The following KIAA1614 variants were observed in gnomAD, a reference collection of about 807,000 sequenced individuals.
The protein encoded by KIAA1614 is uncharacterized protein KIAA1614.
Under a neutral mutation model 88.7 loss-of-function variants are expected in KIAA1614, and 76 were observed. That is an observed-to-expected ratio of 0.86 (90% CI 0.71 to 1.04). The LOEUF (loss-of-function observed/expected upper bound fraction) is 1.04. KIAA1614 is among the 50% of genes least tolerant of loss of function. The pLI, the probability that KIAA1614 is intolerant of heterozygous loss-of-function variation, is 0.00. For missense variants in KIAA1614, 1,553 were observed against 1,582.5 expected (o/e 0.98, Z 0.32); for synonymous variants, 714 against 675.5 (o/e 1.06, Z -0.88).
At position 180,936,052 on chromosome 1, in the gene KIAA1614, A is replaced by C. The variant is rs1170873780; in HGVS notation, c.2143A>C (p.Lys715Gln). 3 of 1,614,138 alleles carry C rather than the reference A, an allele frequency of 1.9e-6. No homozygotes were observed. Among genetic ancestry groups the C allele is most frequent in the Non-Finnish European group, 2.5e-6 (3 of 1,180,004 alleles). The change falls in exon 5 of 9, where the codon AAG (lysine) becomes CAG (glutamine). Residue 715 changes from lysine to glutamine, a missense_variant. By Grantham distance (53) the Lys-to-Gln change is moderately conservative. Transcript: ENST00000367588. Reference protein sequence around the residue: ...EDAKPPDLELKRVSLGPQWQP... With the variant: ...EDAKPPDLELQRVSLGPQWQP... ...TGCCAAGCCTCCTGACCTGGAGTTG[A>C]AGCGGGTGTCCCTGGGACCCCAGTG...
intron 2 of KIAA1614, 46 bp downstream of exon 2, chr1:180,917,146 A>C: frequency 6.6e-7 from 1 of 1,504,786 alleles, no homozygotes; most frequent in Non-Finnish European, 9.1e-7. Context: ...AGCAGGAGGG[A>C]ATCCAGAGGG....
chr1:180,945,428 G>C lies in KIAA1614; in HGVS notation c.3413G>C (p.Arg1138Pro). ...GGCACCAGCCAGCTGCAGCTGCAGC[G>C]CTCCCCAGGGGGCACTTTCGGCTTC... ...PDGTSQLQLQRSPGGTFGFCV... is the reference protein window; with the variant it reads ...PDGTSQLQLQPSPGGTFGFCV... The change falls in exon 9 of 9, where the codon CGC becomes CCC. Residue 1138 changes from arginine to proline, a missense_variant. Transcript: ENST00000367588. 6.2e-7 allele frequency: 1 copy of C among 1,608,482 alleles called. No individual in the cohort carries two copies. Among genetic ancestry groups the C allele is most frequent in the Non-Finnish European group, 8.5e-7 (1 of 1,178,380 alleles).
In KIAA1614 at chr1:180,935,817, G is replaced by A. The variant is rs1243431726; in HGVS notation, c.1908G>A (p.Ala636=). 3 of 1,613,702 alleles carry A rather than the reference G, an allele frequency of 1.9e-6. No homozygotes were observed. Among genetic ancestry groups the A allele is most frequent in the South Asian group, 1.1e-5 (1 of 91,072 alleles). The change falls in exon 5 of 9, where the codon GCG becomes GCA. Residue 636 remains alanine, a synonymous_variant. Transcript: ENST00000367588. This position sits in a 1 kb window ranked among gnomAD's most constrained non-coding sequence, Gnocchi z 6.1. ...EEAGTSQAGW[A]CGRTQGSSPR... is the part of the protein sequence containing the mutation. Reference sequence around the variant, plus strand: ...CGGGGACCTCTCAGGCTGGCTGGGCGTGTGGGCGGACCCAAGGCAGCAGCC... The same window carrying A: ...CGGGGACCTCTCAGGCTGGCTGGGCATGTGGGCGGACCCAAGGCAGCAGCC...
intron 6 of KIAA1614, among the ~76,000 whole-genome samples, chr1:180,940,277 G>C (rs1654426538): frequency 6.6e-6 from 1 of 152,220 alleles, no homozygotes; most frequent in South Asian, 2.1e-4. Context: ...GAGGCAGGTG[G>C]ATCACTTGAG....
Position 180,941,199 on chromosome 1 carries a change from C to T in KIAA1614, c.3073C>T (p.Arg1025Cys), listed in dbSNP as rs760251539. The T allele has an allele frequency of 1.1e-5, 18 of 1,613,730 alleles. No homozygotes were observed. The highest frequency in any genetic ancestry group is 3.3e-4 in the Middle Eastern group (2 of 6,074). The change falls in exon 7 of 9, where the codon CGC (arginine) becomes TGC (cysteine). Residue 1025 changes from arginine to cysteine, a missense_variant. Coordinates refer to ENST00000367588, the MANE Select transcript of KIAA1614 (RefSeq NM_020950.2). ...QSSRPKLGKSRSYSVEQLQPA... is the reference protein window; with the variant it reads ...QSSRPKLGKSCSYSVEQLQPA... Reference sequence around the variant, plus strand: ...TTCCCGGCCCAAGCTGGGCAAGTCCCGCAGCTACAGTGTGGAGCAGTTGCA... The same window carrying T: ...TTCCCGGCCCAAGCTGGGCAAGTCCTGCAGCTACAGTGTGGAGCAGTTGCA...
rs1654283484 is a variant in KIAA1614, at chr1:180,935,089, C to T, written c.1206-26C>T. The T allele has an allele frequency of 1.5e-6, 2 of 1,370,554 alleles. No individual in the cohort carries two copies. Among genetic ancestry groups the T allele is most frequent in the Non-Finnish European group, 9.5e-7 (1 of 1,057,286 alleles). The allele number at this position is 1,370,554 out of a possible 1,614,324, so 84.9% of individuals were successfully genotyped here. ...TACCTCCCCAGGTTTCTGCCCTTGA[C>T]CTCTCTCCTCCTGTCTCTTCATCAG... On this transcript the variant is annotated intron_variant, in intron 4 of 8. Transcript: ENST00000367588. The surrounding 1 kb of genome is among the most constrained non-coding windows in gnomAD (Gnocchi z 6.1).
At chr1:180,923,658 G>A (rs1346381443) in intron 3 of KIAA1614, among the ~76,000 whole-genome samples, 1 of 152,176 alleles carries the variant, frequency 6.6e-6, no homozygotes, top group Non-Finnish European at 1.5e-5. Context: ...GCCTGCAAGT[G>A]TGTGCAGGGA....
At chr1:180,931,078 C>T (rs1381268276) in intron 4 of KIAA1614, among the ~76,000 whole-genome samples, 3 of 152,202 alleles carry the variant, frequency 2.0e-5, no homozygotes, top group Non-Finnish European at 4.4e-5. Flanking sequence ...TGGGGCAAGC[C>T]TGAACAGACA....
chr1:180,945,150 G>C, intron 8 of KIAA1614, 153 bp from the exon 9 acceptor site: 1 of 915,834 alleles, frequency 1.1e-6, no homozygotes, highest in South Asian at 2.1e-5. Context: ...TTTGGCCCTA[G>C]CAGGCTCTTT....
At position 180,944,469 on chromosome 1, in the gene KIAA1614, C is replaced by T; in HGVS notation, c.3240C>T (p.Ser1080=). ...HSLLSSKGNR[S]SLYLVAGPGD... ...TGCTGAGCAGCAAGGGGAACCGGTC[C>T]AGCCTCTACCTGGTAGCAGGGCCAG... Residue 1080 remains serine, a synonymous_variant, in exon 8 of 9, where the codon TCC becomes TCT. Transcript: ENST00000367588. 6.2e-7 allele frequency: 1 copy of T among 1,613,906 alleles called. No individual in the cohort carries two copies.
Position 180,943,548 on chromosome 1 carries a change from A to ATTTTT in KIAA1614, c.3160-840_3160-839insTTTTT, listed in dbSNP as rs201999726. The stretch of plus-strand genomic sequence containing the variant: ...GGATTGTAGGATTGAATGGTAGTAG[A>ATTTTT]TCTTTTTTTTTTTTTTTTGAGACAG... On this transcript the variant is annotated intron_variant, in intron 7 of 8. Transcript: ENST00000367588. 5.5e-4 allele frequency among the ~76,000 whole-genome samples: 41 copies of ATTTTT among 74,884 alleles called. 7 individuals carry two copies. Among genetic ancestry groups the ATTTTT allele is most frequent in the South Asian group, 2.8e-3 (5 of 1,804 alleles). 49.1% of individuals were successfully genotyped at this position (74,884 alleles called of 152,430 possible).
chr1:180,930,281 T>C (rs1458268289), intron 4 of KIAA1614, among the ~76,000 whole-genome samples: 1 of 152,018 alleles, frequency 6.6e-6, no homozygotes, highest in Non-Finnish European at 1.5e-5. Context: ...TAGCTGGGCG[T>C]GGTGGCGGGC....
At position 180,941,292 on chromosome 1, in the gene KIAA1614, C is replaced by T; in HGVS notation, c.3159+7C>T. ...GTTACAATCCCTGCACCCGGTGAGTCCAGGGGCCCCAGCCCAGGGAGTGAA... is the reference window on the plus strand; with the variant it reads ...GTTACAATCCCTGCACCCGGTGAGTTCAGGGGCCCCAGCCCAGGGAGTGAA... On this transcript the variant is annotated splice_region_variant and intron_variant, in intron 7 of 8. Coordinates refer to ENST00000367588, the MANE Select transcript of KIAA1614 (RefSeq NM_020950.2). 1 of 1,597,482 alleles carries T rather than the reference C, an allele frequency of 6.3e-7. No individual in the cohort carries two copies. The highest frequency in any genetic ancestry group is 8.6e-7 in the Non-Finnish European group (1 of 1,168,656).
At chr1:180,916,079 A>T in intron 1 of KIAA1614, 75 bp from the exon 2 acceptor site, 1 of 1,183,102 alleles carries the variant, frequency 8.5e-7, no homozygotes, top group Non-Finnish European at 1.2e-6. Context: ...ACGCCAAGAC[A>T]CTTTGGGGCC....
intron 3 of KIAA1614, among the ~76,000 whole-genome samples, chr1:180,923,451 G>C (rs900611495): frequency 2.6e-5 from 4 of 152,186 alleles, no homozygotes; most frequent in African/African-American, 9.7e-5. Context: ...GACCAAATCC[G>C]TATTTATTAG....
chr1:180,950,980 T>C lies in KIAA1614; in HGVS notation c.*5392T>C, dbSNP rs1410332181. ...TTGACCCTTCCCTATTTCAGCCACG[T>C]TCCTCCCTACTCCATTCACTGCCCT... On this transcript the variant is annotated 3_prime_UTR_variant, in exon 9 of 9. Coordinates refer to ENST00000367588, the MANE Select transcript of KIAA1614 (RefSeq NM_020950.2). 1 of 152,340 alleles carries C rather than the reference T, an allele frequency of 6.6e-6. No individual in the cohort carries two copies. The highest frequency in any genetic ancestry group is 1.9e-4 in the East Asian group (1 of 5,200). The allele number at this position is 152,340 out of a possible 1,614,324, so 9.4% of individuals were successfully genotyped here.
At position 180,916,132 on chromosome 1, in the gene KIAA1614, C is replaced by T. The variant is rs780532411; in HGVS notation, c.51-22C>T. On this transcript the variant is annotated intron_variant, in intron 1 of 8. Coordinates refer to ENST00000367588, the MANE Select transcript of KIAA1614 (RefSeq NM_020950.2). ...TTAGTCCTGTGCTGGGTCTTAGGAA[C>T]TCTGTCTGTTTTCTCCTCCAGAGGG... 5 of 1,523,480 alleles carry T rather than the reference C, an allele frequency of 3.3e-6. No individual in the cohort carries two copies. In the South Asian group the frequency reaches 5.2e-5, roughly 16 times the overall value. The allele number at this position is 1,523,480 out of a possible 1,614,324, so 94.4% of individuals were successfully genotyped here.
chr1:180,916,496 G>C lies in KIAA1614; in HGVS notation c.393G>C (p.Glu131Asp). The C allele has an allele frequency of 6.2e-7, 1 of 1,614,114 alleles. No homozygotes were observed. Among genetic ancestry groups the C allele is most frequent in the South Asian group, 1.1e-5 (1 of 91,078 alleles). The change falls in exon 2 of 9, where the codon GAG becomes GAC. Residue 131 changes from glutamate (E) to aspartate (D), a missense_variant. By Grantham distance (45) the Glu-to-Asp change is conservative. Transcript: ENST00000367588. ...GKAGRAGTPS[E>D]GSFLPGAVVA... ...CAGGGAGAGCCGGGACTCCATCAGA[G>C]GGGTCTTTCCTGCCAGGTGCTGTGG...
intron 3 of KIAA1614, among the ~76,000 whole-genome samples, chr1:180,919,132 T>A (rs1653889863): frequency 6.6e-6 from 1 of 152,134 alleles, no homozygotes; most frequent in African/African-American, 2.4e-5. Flanking sequence ...AACCTAGGAA[T>A]CTTGGGGAGA....
Sources: allele counts gnomAD v4.1 joint callset (sites outside exome capture counted in the v4.1 genomes callset), GRCh38; gene constraint gnomAD v4.1.1; non-coding constraint Gnocchi (gnomAD v3.1); transcripts MANE v1.5; gene names NCBI Gene and HGNC (gene_info 2026-07-23, HGNC 2026-07-21).